The following CHODL variants were observed in gnomAD, a reference collection of about 807,000 sequenced individuals.
CHODL encodes the protein transmembrane protein MT75.
A neutral mutation model predicts 34.5 loss-of-function variants in CHODL; 29 were observed. The observed-to-expected ratio is 0.84, with a 90% confidence interval of 0.63 to 1.15. The LOEUF is 1.15. Among genes scored for constraint, CHODL ranks in the 50% most tolerant of loss-of-function variants. The probability of loss-of-function intolerance (pLI) is 0.00; values close to 1 mark genes in which losing one functional copy is unlikely to be tolerated. For missense variants in CHODL, 332 were observed against 332.5 expected, an observed-to-expected ratio of 1.00 and a Z score of 0.01; for synonymous variants, 125 against 116.1, an observed-to-expected ratio of 1.08 and a Z score of -0.49.
intron 1 of CHODL, among the ~76,000 whole-genome samples, chr21:18,253,774 A>G (rs577942652): frequency 1.3e-5 from 2 of 152,110 alleles, no homozygotes; most frequent in Non-Finnish European, 2.9e-5. Flanking sequence ...CTTATTTCCC[A>G]TGGTCATTCA....
chr21:18,263,178 G>A (rs561355711), intron 5 of CHODL, among the ~76,000 whole-genome samples: 17 of 152,108 alleles, frequency 1.1e-4, no homozygotes, highest in Middle Eastern at 6.8e-3. Context: ...TAGTGTCCAC[G>A]GTGAATCTGA....
intron 1 of CHODL, among the ~76,000 whole-genome samples, chr21:18,008,916 C>T (rs1419854205): frequency 6.6e-6 from 1 of 152,118 alleles, no homozygotes; most frequent in Non-Finnish European, 1.5e-5. Context: ...ACTCTGATTA[C>T]TGATGTTTTA....
intron 1 of CHODL, among the ~76,000 whole-genome samples, chr21:18,002,341 C>A (rs112138609): frequency 1.3e-5 from 2 of 152,342 alleles, no homozygotes; most frequent in African/African-American, 4.8e-5. Flanking sequence ...GAATCCCAGT[C>A]TTAAAAGATG....
chr21:18,194,465 G>T (rs2073557501), intron 2 of CHODL, among the ~76,000 whole-genome samples: 1 of 152,096 alleles, frequency 6.6e-6, no homozygotes, highest in Admixed American at 6.5e-5. Flanking sequence ...TCCTCGAGAT[G>T]TCTCGCTCCT....
At chr21:18,046,478 C>T (rs2064445087) in intron 2 of CHODL, among the ~76,000 whole-genome samples, 1 of 151,874 alleles carries the variant, frequency 6.6e-6, no homozygotes, top group South Asian at 2.1e-4. Flanking sequence ...ATGACAGGAC[C>T]TGGCGAGATT....
Sources: gnomAD v4.1 joint callset for allele counts (sites outside exome capture counted in the v4.1 genomes callset) on GRCh38, gnomAD v4.1.1 for gene constraint, MANE v1.5 for transcripts, NCBI Gene and HGNC (gene_info 2026-07-23, HGNC 2026-07-21) for gene names.